Variants in FYB2 observed in about 807,000 individuals in gnomAD.
FYB2 encodes FYN-binding protein 2.
FYB2 carries 103 observed loss-of-function variants against 94.1 expected under a neutral mutation model. The observed-to-expected ratio is 1.09, with a 90% CI of 0.93 to 1.29. The LOEUF (loss-of-function observed/expected upper bound fraction) is 1.29. Ranked by LOEUF, FYB2 falls within the 50% of genes most tolerant of loss-of-function variation. The pLI, the probability that FYB2 is intolerant of heterozygous loss-of-function variation, is 0.00. For missense variants in FYB2, 896 were observed against 841.5 expected (o/e 1.06, Z -0.80); for synonymous variants, 293 against 287.9 (o/e 1.02, Z -0.18).
rs1351283631 is a variant in FYB2, at chr1:56,756,918, T to A, written c.1099-991A>T. 2.0e-5 allele frequency among the ~76,000 whole-genome samples: 3 copies of A among 152,196 alleles called. No homozygotes were observed. In the East Asian group the frequency reaches 5.8e-4, roughly 30 times the overall value. The stretch of plus-strand genomic sequence containing the variant: ...GAAAAGAATACAAAAAACTGACTTG[T>A]GGTAGTTTGGTGTGAAGGGAACTAG... On this transcript the variant is annotated intron_variant, in intron 6 of 19. Transcript: ENST00000343433.
intron 4 of FYB2, among the ~76,000 whole-genome samples, chr1:56,780,542 T>C (rs1234601841): frequency 1.3e-5 from 2 of 152,232 alleles, no homozygotes; most frequent in Non-Finnish European, 2.9e-5. Context: ...CTGGTGCTGC[T>C]GATCCAGTTG....
chr1:56,795,376 TCCGTC>T (rs1646372316), intron 1 of FYB2, among the ~76,000 whole-genome samples: 2 of 152,178 alleles, frequency 1.3e-5, no homozygotes, highest in Admixed American at 1.3e-4. Context: ...TATCCATTCA[TCCGTC>T]AATGGAGAGT....
rs967289188 is a variant in FYB2, at chr1:56,768,057, C to T, written c.954-119G>A. 2.0e-5 allele frequency: 14 copies of T among 703,436 alleles called. No homozygotes were observed. The African/African-American group carries it at 2.5e-4, about 13-fold the overall frequency. 43.6% of individuals were successfully genotyped at this position (703,436 alleles called of 1,614,324 possible). Reference sequence around the variant, plus strand: ...TGTCTGGCCAATATGGTGACCTAAGCATATATGGGAGGCACACTACCCCTA... The same window carrying T: ...TGTCTGGCCAATATGGTGACCTAAGTATATATGGGAGGCACACTACCCCTA... On this transcript the variant is annotated intron_variant, in intron 4 of 19. Coordinates refer to ENST00000343433, the MANE Select transcript of FYB2 (RefSeq NM_001004303.5).
At chr1:56,816,842 G>T (rs1387635481) in intron 1 of FYB2, among the ~76,000 whole-genome samples, 1 of 150,796 alleles carries the variant, frequency 6.6e-6, no homozygotes, top group African/African-American at 2.4e-5. Context: ...AGCTTTACAA[G>T]TTGGAGTCAT....
In FYB2 at chr1:56,758,713, T is replaced by C. The variant is rs767774491; in HGVS notation, c.1098+3A>G. 2 of 1,588,816 alleles carry C rather than the reference T, an allele frequency of 1.3e-6. No individual in the cohort carries two copies. The highest frequency in any genetic ancestry group is 2.3e-5 in the East Asian group (1 of 44,104). ...TTACAATGTTGGTAAGGAGAAACAA[T>C]ACCTTTTGGAGTTCTTCAATTCCAA... On this transcript the variant is annotated splice_donor_region_variant and intron_variant, in intron 6 of 19. Transcript: ENST00000343433.
At chr1:56,725,893 T>C (rs1644574140) in intron 16 of FYB2, among the ~76,000 whole-genome samples, 1 of 152,036 alleles carries the variant, frequency 6.6e-6, no homozygotes, top group African/African-American at 2.4e-5. Flanking sequence ...AAGTACCTCA[T>C]ATCCTGCCCC....
At chr1:56,757,675 T>TTCCTTCC (rs1645369643) in intron 6 of FYB2, among the ~76,000 whole-genome samples, 1 of 99,018 alleles carries the variant, frequency 1.0e-5, no homozygotes, top group African/African-American at 4.0e-5. Context: ...TTCTTTCCTC[T>TTCCTTCC]TTCCTTCCTT....
chr1:56,751,509 G>A lies in FYB2; in HGVS notation c.1228-306C>T, dbSNP rs1327206968. ...TAACTTAATCATCATGATACCTCAT[G>A]AGAAAAGTATCATCAGTTCTCTTGA... On this transcript the variant is annotated intron_variant, in intron 8 of 19. Coordinates refer to ENST00000343433, the MANE Select transcript of FYB2 (RefSeq NM_001004303.5). Among the ~76,000 whole-genome samples, 4 of 152,014 alleles carry A rather than the reference G, an allele frequency of 2.6e-5. No individual in the cohort carries two copies. The East Asian group carries it at 5.8e-4, about 22-fold the overall frequency.
intron 3 of FYB2, among the ~76,000 whole-genome samples, chr1:56,788,561 G>A (rs1216869649): frequency 6.6e-6 from 1 of 152,184 alleles, no homozygotes; most frequent in Non-Finnish European, 1.5e-5. Context: ...ATGGAGGCCT[G>A]AGGGGCTCCC....
intron 1 of FYB2, among the ~76,000 whole-genome samples, chr1:56,803,605 T>C (rs1362874170): frequency 6.6e-6 from 1 of 152,188 alleles, no homozygotes; most frequent in African/African-American, 2.4e-5. Flanking sequence ...ACAATTCCAG[T>C]CTAAAATGTC....
chr1:56,776,432 G>A (rs1645877494), intron 4 of FYB2, among the ~76,000 whole-genome samples: 1 of 152,092 alleles, frequency 6.6e-6, no homozygotes, highest in Non-Finnish European at 1.5e-5. Flanking sequence ...CTTTCTAAAA[G>A]CACTTTGTCT....
At chr1:56,744,386 G>A (rs975721330) in intron 9 of FYB2, 120 bp from the exon 10 acceptor site, 10 of 707,294 alleles carry the variant, frequency 1.4e-5, no homozygotes, top group Non-Finnish European at 2.4e-5. Flanking sequence ...GGCTAAAATT[G>A]GATTACAGTC....
intron 17 of FYB2, among the ~76,000 whole-genome samples, chr1:56,723,276 G>A (rs950804037): frequency 2.0e-5 from 3 of 151,708 alleles, no homozygotes; most frequent in Admixed American, 6.6e-5. Flanking sequence ...TACAAAAGAC[G>A]TGTAAAATAG....
At chr1:56,795,228 G>A (rs1244592786) in intron 1 of FYB2, among the ~76,000 whole-genome samples, 3 of 152,044 alleles carry the variant, frequency 2.0e-5, no homozygotes, top group Non-Finnish European at 4.4e-5. Context: ...GAATCATAGA[G>A]TATTTGTCTT....
At chr1:56,739,141 C>T (rs1644894674) in intron 13 of FYB2, among the ~76,000 whole-genome samples, 1 of 151,954 alleles carries the variant, frequency 6.6e-6, no homozygotes, top group Non-Finnish European at 1.5e-5. Flanking sequence ...ATTTACTTGC[C>T]AGGGTAAGGA....
intron 5 of FYB2, among the ~76,000 whole-genome samples, chr1:56,760,537 C>T (rs1314098477): frequency 1.3e-5 from 2 of 152,096 alleles, no homozygotes; most frequent in Non-Finnish European, 2.9e-5. Flanking sequence ...GTTTGTGATA[C>T]AGTTTGCCCA....
At chr1:56,799,779 G>T (rs1309694460) in intron 1 of FYB2, among the ~76,000 whole-genome samples, 1 of 152,166 alleles carries the variant, frequency 6.6e-6, no homozygotes, top group Non-Finnish European at 1.5e-5. Flanking sequence ...GCTGCCACGG[G>T]CTGCTAGGTA....
At chr1:56,776,492 T>C (rs1043711724) in intron 4 of FYB2, among the ~76,000 whole-genome samples, 2 of 152,124 alleles carry the variant, frequency 1.3e-5, no homozygotes, top group Non-Finnish European at 2.9e-5. Flanking sequence ...CTCTTTTTTT[T>C]CCCATTCATC....
intron 13 of FYB2, among the ~76,000 whole-genome samples, chr1:56,740,182 G>A (rs1644918916): frequency 6.6e-6 from 1 of 152,040 alleles, no homozygotes; most frequent in Non-Finnish European, 1.5e-5. Flanking sequence ...CTGGCAGTTA[G>A]CCTAGGTTAT....
Sources: allele counts gnomAD v4.1 joint callset (sites outside exome capture counted in the v4.1 genomes callset), GRCh38; gene constraint gnomAD v4.1.1; transcripts MANE v1.5; gene names NCBI Gene and HGNC (gene_info 2026-07-23, HGNC 2026-07-21).